The following B9D1 variants were observed in gnomAD, a reference collection of about 807,000 sequenced individuals.
The protein encoded by B9D1 is B9 domain containing 1.
A neutral mutation model predicts 26.1 loss-of-function variants in B9D1; 20 were observed. That is an observed-to-expected ratio of 0.77 (90% confidence interval 0.54 to 1.12). The LOEUF is 1.12. B9D1 is among the 50% of genes most tolerant of loss of function. B9D1 has a pLI of 0.00. For synonymous variants in B9D1, 105 were observed against 103.1 expected (o/e 1.02, Z -0.11); for missense variants, 260 against 273.7 (o/e 0.95, Z 0.35).
rs751911513 is a variant in B9D1, at chr17:19,347,773, T to C, written c.341+11A>G. 6.2e-7 allele frequency: 1 copy of C among 1,613,170 alleles called. No individual in the cohort carries two copies. Among genetic ancestry groups the C allele is most frequent in the Non-Finnish European group, 8.5e-7 (1 of 1,179,372 alleles). ...GTCCTGCCCAGGGCCCAGGTCAGAA[T>C]GAGGACCTACCGGCCAGGTGAGAAG... is the stretch of plus-strand genomic sequence containing the variant. On this transcript the variant is annotated intron_variant, in intron 4 of 6. Transcript: ENST00000261499. The surrounding 1 kb of genome is among the most constrained non-coding windows in gnomAD (Gnocchi z 4.3).
chr17:19,343,462 CTG>C lies in B9D1; in HGVS notation c.473-3_473-2del. The C allele has an allele frequency of 6.2e-7, 1 of 1,614,128 alleles. No individual in the cohort carries two copies. Among genetic ancestry groups the C allele is most frequent in the Non-Finnish European group, 8.5e-7 (1 of 1,180,012 alleles). ...AAGCCCTGAGAACGGACACGGGTCA[CTG>C]GGGACAGAAGGGCAGCATCAGCCAG... On this transcript the variant is annotated splice_acceptor_variant and splice_polypyrimidine_tract_variant and intron_variant, in intron 6 of 6. Coordinates refer to ENST00000261499, the MANE Select transcript of B9D1 (RefSeq NM_015681.6). LOFTEE classifies it high-confidence loss of function.
downstream of B9D1, among the ~76,000 whole-genome samples, chr17:19,339,501 AAG>A (rs532118911): frequency 5.2e-4 from 79 of 152,252 alleles, no homozygotes; most frequent in South Asian, 8.1e-3. Flanking sequence ...CTTAGCCAAC[AAG>A]AGTTTGTTTT....
At chr17:19,365,364 G>A (rs1911533337), upstream of B9D1, among the ~76,000 whole-genome samples, 1 of 152,228 alleles carries the variant, frequency 6.6e-6, no homozygotes, top group Non-Finnish European at 1.5e-5. The surrounding 1 kb of genome is among the most constrained non-coding windows in gnomAD (Gnocchi z 5.0). Context: ...AGCTGGAGAG[G>A]CTGGGGGCCA....
chr17:19,358,155 G>C (rs897807952), intron 2 of B9D1, among the ~76,000 whole-genome samples: 3 of 151,996 alleles, frequency 2.0e-5, no homozygotes, highest in African/African-American at 7.3e-5. Context: ...GACAACCCTG[G>C]GAGGCCAGCC....
intron 1 of B9D1, among the ~76,000 whole-genome samples, chr17:19,373,188 G>A (rs1911973097): frequency 6.6e-6 from 1 of 152,134 alleles, no homozygotes; most frequent in Admixed American, 6.5e-5. Flanking sequence ...CTGAAATGAG[G>A]GTAAGGTTCT....
chr17:19,377,125 G>A (rs978685395), intron 1 of B9D1, among the ~76,000 whole-genome samples: 1 of 152,196 alleles, frequency 6.6e-6, no homozygotes, highest in South Asian at 2.1e-4. Flanking sequence ...ACTATGCCCC[G>A]ACCATCTTGG....
At chr17:19,376,691 G>C (rs750212441) in intron 1 of B9D1, among the ~76,000 whole-genome samples, 1 of 147,664 alleles carries the variant, frequency 6.8e-6, no homozygotes, top group African/African-American at 2.5e-5. Context: ...CCAGCTATTC[G>C]GGAGGCTGAG....
intron 5 of B9D1, 48 bp from the exon 6 acceptor site, chr17:19,343,905 C>T (rs1219333452): frequency 6.2e-7 from 1 of 1,612,294 alleles, no homozygotes; most frequent in Admixed American, 1.7e-5. Context: ...CCTGGGCATT[C>T]CTGGTCTTGG....
upstream of B9D1, chr17:19,363,840 G>A (rs1447853186): frequency 1.3e-5 from 2 of 152,212 alleles, no homozygotes; most frequent in Non-Finnish European, 2.9e-5. Context: ...CCTGCCTAGT[G>A]AGCAAAGATA....
In B9D1 at chr17:19,354,338, G is replaced by A. The variant is rs1250834481; in HGVS notation, c.244+3502C>T. On this transcript the variant is annotated intron_variant, in intron 3 of 6. Transcript: ENST00000261499. Reference sequence around the variant, plus strand: ...ATGCCTCAGTCAACTCTTCCTACTTGTGAGGAATTTCAAAGTAAATCACAG... The same window carrying A: ...ATGCCTCAGTCAACTCTTCCTACTTATGAGGAATTTCAAAGTAAATCACAG... 2.6e-5 allele frequency among the ~76,000 whole-genome samples: 4 copies of A among 152,152 alleles called. No individual in the cohort carries two copies. The East Asian group carries it at 7.7e-4, about 29-fold the overall frequency.
intron 1 of B9D1, chr17:19,377,828 C>T (rs987534966): frequency 9.1e-6 from 9 of 985,106 alleles, no homozygotes; most frequent in South Asian, 4.7e-5. Flanking sequence ...ACGGGAATCG[C>T]GGGACAGACA....
chr17:19,350,225 C>G (rs748505813), intron 3 of B9D1, among the ~76,000 whole-genome samples: 2 of 151,748 alleles, frequency 1.3e-5, no homozygotes, highest in Non-Finnish European at 2.9e-5. Flanking sequence ...GCCTGGGTAA[C>G]GTGGCAAAAC....
rs758440762 is a variant in B9D1, at chr17:19,343,427, G to A, written c.507C>T (p.Leu169=). ...TRVRSQGFVT[L]LFNVVTKDMR... Reference sequence around the variant, plus strand: ...TGTCCTTGGTCACCACGTTGAAGAGGAGGGTGACAAAGCCCTGAGAACGGA... The same window carrying A: ...TGTCCTTGGTCACCACGTTGAAGAGAAGGGTGACAAAGCCCTGAGAACGGA... Residue 169 remains leucine (L), a synonymous_variant, in exon 7 of 7, where the codon CTC becomes CTT. Transcript: ENST00000261499. 6.2e-7 allele frequency: 1 copy of A among 1,614,198 alleles called. No homozygotes were observed. The highest frequency in any genetic ancestry group is 8.5e-7 in the Non-Finnish European group (1 of 1,180,024).
At chr17:19,337,453 C>G, downstream of B9D1, 1 of 423,498 alleles carries the variant, frequency 2.4e-6, no homozygotes, top group South Asian at 4.1e-5. Flanking sequence ...CTGGGACTGC[C>G]CTGCAGCCCT....
At chr17:19,361,554 G>A (rs1911069705) in intron 1 of B9D1, among the ~76,000 whole-genome samples, 2 of 152,124 alleles carry the variant, frequency 1.3e-5, no homozygotes, top group African/African-American at 4.8e-5. Flanking sequence ...GCCCAGCCGA[G>A]AGCCCCTAAT....
downstream of B9D1, among the ~76,000 whole-genome samples, chr17:19,339,232 T>TG (rs946327565): frequency 2.6e-5 from 4 of 152,190 alleles, no homozygotes; most frequent in African/African-American, 9.6e-5. Context: ...TTTAGATTGT[T>TG]GCCTTTCATT....
At chr17:19,377,326 A>G (rs993238942) in intron 1 of B9D1, among the ~76,000 whole-genome samples, 1 of 152,230 alleles carries the variant, frequency 6.6e-6, no homozygotes, top group Non-Finnish European at 1.5e-5. Flanking sequence ...AACTGTGAAT[A>G]TACCAAAAAA....
Position 19,343,418 on chromosome 17 carries a change from G to T in B9D1, c.516C>A (p.Asn172Lys). The T allele has an allele frequency of 6.2e-7, 1 of 1,614,200 alleles. No individual in the cohort carries two copies. The highest frequency in any genetic ancestry group is 1.7e-5 in the Admixed American group (1 of 60,032). Residue 172 changes from asparagine to lysine, a missense_variant, in exon 7 of 7, where the codon AAC becomes AAA. Asn to Lys is a moderately conservative substitution (Grantham distance 94). Coordinates refer to ENST00000261499, the MANE Select transcript of B9D1 (RefSeq NM_015681.6). ...GTTTCCTCATGTCCTTGGTCACCAC[G>T]TTGAAGAGGAGGGTGACAAAGCCCT... ...RSQGFVTLLF[N>K]VVTKDMRKLG...
Position 19,343,429 on chromosome 17 carries a change from G to C in B9D1, c.505C>G (p.Leu169Val), listed in dbSNP as rs764112875. Residue 169 changes from leucine to valine, a missense_variant, in exon 7 of 7, where the codon CTC becomes GTC. Coordinates refer to ENST00000261499, the MANE Select transcript of B9D1 (RefSeq NM_015681.6). ...TCCTTGGTCACCACGTTGAAGAGGA[G>C]GGTGACAAAGCCCTGAGAACGGACA... ...TRVRSQGFVT[L>V]LFNVVTKDMR... is the part of the protein sequence containing the mutation. The C allele has an allele frequency of 1.9e-6, 3 of 1,614,204 alleles. No homozygotes were observed. Among genetic ancestry groups the C allele is most frequent in the Non-Finnish European group, 2.5e-6 (3 of 1,180,022 alleles).
Sources: allele counts gnomAD v4.1 joint callset (sites outside exome capture counted in the v4.1 genomes callset), GRCh38; gene constraint gnomAD v4.1.1; non-coding constraint Gnocchi (gnomAD v3.1); transcripts MANE v1.5; gene names NCBI Gene and HGNC (gene_info 2026-07-23, HGNC 2026-07-21).